Variants in PADI6 observed in about 807,000 individuals in gnomAD.
PADI6 encodes inactive protein-arginine deiminase type-6.
A neutral mutation model predicts 78.2 loss-of-function variants in PADI6; 66 were observed. The ratio of observed to expected loss-of-function variants is 0.84; its 90% CI spans 0.69 to 1.04. PADI6 has a LOEUF of 1.04. Among genes scored for constraint, PADI6 ranks in the 50% least tolerant of loss-of-function variants. The probability of loss-of-function intolerance (pLI) is 0.00; values close to 1 mark genes in which losing one functional copy is unlikely to be tolerated. For synonymous variants in PADI6, 397 were observed against 346.9 expected (o/e 1.14, Z -1.60); for missense variants, 854 against 866.1 (o/e 0.99, Z 0.18).
Position 17,401,282 on chromosome 1 carries a change from G to A in PADI6, c.1929G>A (p.Leu643=), listed in dbSNP as rs374867034. ...CCCAAATCAAGGGGACCTGCTGCCTGGAAGAAAAGATTTGCTGCTTGCTGG... is the reference window on the plus strand; with the variant it reads ...CCCAAATCAAGGGGACCTGCTGCCTAGAAGAAAAGATTTGCTGCTTGCTGG... The part of the protein sequence containing the change: ...FGPQIKGTCC[L]EEKICCLLEP... Residue 643 remains leucine, a synonymous_variant, in exon 16 of 16, where the codon CTG becomes CTA. Transcript: ENST00000619609. 5 of 1,613,936 alleles carry A rather than the reference G, an allele frequency of 3.1e-6. No individual in the cohort carries two copies. Among genetic ancestry groups the A allele is most frequent in the Admixed American group, 3.3e-5 (2 of 60,014 alleles).
At chr1:17,387,459 G>T (rs796730765) in intron 6 of PADI6, among the ~76,000 whole-genome samples, 3 of 107,502 alleles carry the variant, frequency 2.8e-5, no homozygotes, top group South Asian at 3.1e-4. Context: ...AAGAAAAGGA[G>T]GGGGGGGGGC....
chr1:17,387,245 A>G (rs867183162), intron 6 of PADI6, among the ~76,000 whole-genome samples: 15 of 151,904 alleles, frequency 9.9e-5, no homozygotes, highest in African/African-American at 3.1e-4. Flanking sequence ...GGAGTTGGAG[A>G]CTGGCCTGGG....
At chr1:17,378,763 C>A (rs985092363) in intron 3 of PADI6, among the ~76,000 whole-genome samples, 1 of 152,050 alleles carries the variant, frequency 6.6e-6, no homozygotes, top group African/African-American at 2.4e-5. Flanking sequence ...TGCCACCACA[C>A]CGGGCTAATT....
At chr1:17,398,567 G>A in intron 14 of PADI6, 119 bp from the exon 15 acceptor site, 1 of 625,922 alleles carries the variant, frequency 1.6e-6, no homozygotes, top group East Asian at 2.8e-5. Flanking sequence ...AGCAAGTGAT[G>A]GGGATGGTAG....
At chr1:17,375,091 T>C (rs895463410) in intron 2 of PADI6, among the ~76,000 whole-genome samples, 2 of 152,096 alleles carry the variant, frequency 1.3e-5, no homozygotes, top group Non-Finnish European at 2.9e-5. Context: ...GTTTCAAGCT[T>C]GGGCTCTAGA....
intron 15 of PADI6, among the ~76,000 whole-genome samples, chr1:17,399,289 G>C (rs1026092389): frequency 2.6e-5 from 4 of 152,172 alleles, no homozygotes; most frequent in Non-Finnish European, 4.4e-5. Context: ...ATACATAGAG[G>C]TACATCAGCC....
intron 6 of PADI6, among the ~76,000 whole-genome samples, chr1:17,385,688 A>T (rs1192925325): frequency 6.6e-6 from 1 of 152,110 alleles, no homozygotes; most frequent in East Asian, 1.9e-4. Context: ...ACAGCAGTGG[A>T]GGGCAAGTAT....
intron 3 of PADI6, among the ~76,000 whole-genome samples, 154 bp downstream of exon 3, chr1:17,375,653 A>G (rs1159190028): frequency 6.6e-6 from 1 of 152,012 alleles, no homozygotes. Context: ...AAATGGATTC[A>G]TTTGAGATAC....
rs558290027 is a variant in PADI6 at position 17,388,816 on chromosome 1, T to G, written c.898T>G (p.Phe300Val). Reference protein sequence around the residue: ...ETVLYKDTVVFRVAPCVFIPC... With the variant: ...ETVLYKDTVVVRVAPCVFIPC... ...TGTGCTGTACAAAGACACGGTGGTG[T>G]TCCGGGTGGCTCCCTGTGTCTTCAT... The change falls in exon 8 of 16, where the codon TTC (phenylalanine) becomes GTC (valine). Residue 300 changes from phenylalanine to valine, a missense_variant. Phe to Val is a conservative substitution (Grantham distance 50, BLOSUM62 -1). Transcript: ENST00000619609. 27 of 1,613,838 alleles carry G rather than the reference T, an allele frequency of 1.7e-5. 1 individual carries two copies. Among genetic ancestry groups the G allele is most frequent in the Admixed American group, 1.3e-4 (8 of 60,002 alleles).
chr1:17,375,438 A>G lies in PADI6; in HGVS notation c.306A>G (p.Thr102=). The change falls in exon 3 of 16, where the codon ACA becomes ACG. Residue 102 remains threonine (T), a synonymous_variant. Transcript: ENST00000619609. The stretch of plus-strand genomic sequence containing the variant: ...TGCTGTCTCCACAGGTCTCGGTCAC[A>G]TACTATGGGCCCAACGAGGATGCCC... ...PSVDADKVSV[T]YYGPNEDAPV... 3 of 1,611,542 alleles carry G rather than the reference A, an allele frequency of 1.9e-6. No individual in the cohort carries two copies. Among genetic ancestry groups the G allele is most frequent in the Non-Finnish European group, 2.5e-6 (3 of 1,179,002 alleles).
At position 17,401,430 on chromosome 1, in the gene PADI6, G is replaced by T. The variant is rs1300916577; in HGVS notation, c.2077G>T (p.Val693Leu). The T allele has an allele frequency of 6.2e-7, 1 of 1,613,672 alleles. No individual in the cohort carries two copies. Among genetic ancestry groups the T allele is most frequent in the African/African-American group, 1.3e-5 (1 of 74,932 alleles). Residue 693 changes from valine to leucine, a missense_variant, in exon 16 of 16, where the codon GTA becomes TTA. By Grantham distance (32) the Val-to-Leu change is conservative. Coordinates refer to ENST00000619609, the MANE Select transcript of PADI6 (RefSeq NM_207421.4). Reference protein sequence around the residue: ...VPFAFKWWKMVP With the variant: ...VPFAFKWWKMLP ...CTTTGCCTTCAAATGGTGGAAGATG[G>T]TACCTTAGACCCAGGCCCTGGAGCT...
At chr1:17,390,907 C>T (rs552886607) in intron 8 of PADI6, among the ~76,000 whole-genome samples, 3 of 152,306 alleles carry the variant, frequency 2.0e-5, no homozygotes, top group East Asian at 3.9e-4. Context: ...GGTTTGACCC[C>T]ATATAGCTGC....
intron 8 of PADI6, among the ~76,000 whole-genome samples, chr1:17,391,316 TTCC>T (rs2075181699): frequency 1.3e-5 from 2 of 152,074 alleles, no homozygotes; most frequent in Non-Finnish European, 2.9e-5. Flanking sequence ...ACCTCCAGGG[TTCC>T]AGCAATTCTC....
intron 4 of PADI6, among the ~76,000 whole-genome samples, chr1:17,380,354 C>T (rs976556706): frequency 1.3e-5 from 2 of 151,370 alleles, no homozygotes; most frequent in South Asian, 2.1e-4. Flanking sequence ...GGGTTACAAG[C>T]GTGTGCCACC....
At chr1:17,372,842 C>T (rs942459) in intron 1 of PADI6, among the ~76,000 whole-genome samples, 7,514 of 151,466 alleles carry the variant, frequency 0.05, 246 homozygotes, top group African/African-American at 0.085. Flanking sequence ...TCTGCAGTGT[C>T]GGTAGCGGGA....
At chr1:17,385,248 C>T (rs528752440) in intron 6 of PADI6, among the ~76,000 whole-genome samples, 1 of 152,058 alleles carries the variant, frequency 6.6e-6, no homozygotes, top group Non-Finnish European at 1.5e-5. Flanking sequence ...TGAAATGAGG[C>T]CTTTTGGTGT....
At chr1:17,374,176 C>T (rs866651538) in intron 2 of PADI6, among the ~76,000 whole-genome samples, 2 of 152,072 alleles carry the variant, frequency 1.3e-5, no homozygotes, top group Non-Finnish European at 1.5e-5. Flanking sequence ...CATGATGGAG[C>T]AGTTCAGGAC....
chr1:17,379,800 T>G, intron 3 of PADI6, 120 bp from the exon 4 acceptor site: 1 of 769,510 alleles, frequency 1.3e-6, no homozygotes, highest in Non-Finnish European at 2.2e-6. Context: ...GCTGATAGCA[T>G]GCCAGAAAGG....
chr1:17,393,865 G>A, intron 9 of PADI6, 110 bp from the exon 10 acceptor site: 1 of 897,220 alleles, frequency 1.1e-6, no homozygotes, highest in Non-Finnish European at 1.8e-6. Flanking sequence ...GGTGTTGAGG[G>A]TTGAGCAGGA....
Sources: allele counts gnomAD v4.1 joint callset (sites outside exome capture counted in the v4.1 genomes callset), GRCh38; gene constraint gnomAD v4.1.1; transcripts MANE v1.5; gene names NCBI Gene and HGNC (gene_info 2026-07-23, HGNC 2026-07-21).